The following NMBR variants were observed in gnomAD, a reference collection of about 807,000 sequenced individuals.
NMBR encodes the protein neuromedin-B receptor.
Under a neutral mutation model 20.5 loss-of-function variants are expected in NMBR, and 16 were observed. That is an observed-to-expected ratio of 0.78 (90% CI 0.53 to 1.19). The LOEUF is 1.19. Among genes scored for constraint, NMBR ranks in the 50% most tolerant of loss-of-function variants. NMBR has a pLI of 0.00. For missense variants in NMBR, 582 were observed against 499.1 expected (o/e 1.17, Z -1.58); for synonymous variants, 212 against 196.6 (o/e 1.08, Z -0.65).
intron 2 of NMBR, among the ~76,000 whole-genome samples, chr6:142,081,474 C>T (rs1211385190): frequency 6.6e-6 from 1 of 152,032 alleles, no homozygotes; most frequent in Non-Finnish European, 1.5e-5. Context: ...TATGAGCCAC[C>T]TCCTGCAAGA....
chr6:142,103,893 T>C (rs1777609515), intron 1 of NMBR, among the ~76,000 whole-genome samples: 2 of 152,214 alleles, frequency 1.3e-5, no homozygotes, highest in Non-Finnish European at 2.9e-5. Flanking sequence ...CCAGTCCAAA[T>C]CATATAAGCC....
intron 1 of NMBR, among the ~76,000 whole-genome samples, chr6:142,129,070 AT>A (rs1462802424): frequency 2.0e-5 from 3 of 151,146 alleles, no homozygotes; most frequent in Non-Finnish European, 1.5e-5. Context: ...ATTTTTATTT[AT>A]TTTGATCCTA....
At chr6:142,077,609 C>A (rs1451366718) in intron 3 of NMBR, among the ~76,000 whole-genome samples, 3 of 152,142 alleles carry the variant, frequency 2.0e-5, no homozygotes, top group Non-Finnish European at 4.4e-5. Flanking sequence ...TTGATGGCCA[C>A]CAATTCATAA....
chr6:142,126,233 A>C (rs2114602385), intron 1 of NMBR, among the ~76,000 whole-genome samples: 1 of 148,854 alleles, frequency 6.7e-6, no homozygotes, highest in African/African-American at 2.5e-5. Flanking sequence ...TTCCTCCTTT[A>C]AGGGCTTAAC....
chr6:142,095,237 T>C (rs898440567), intron 1 of NMBR, among the ~76,000 whole-genome samples: 5 of 152,050 alleles, frequency 3.3e-5, no homozygotes, highest in Admixed American at 3.3e-4. Flanking sequence ...TGCCAGTTTT[T>C]AAAGGGAATG....
chr6:142,111,738 A>G (rs763947235), intron 1 of NMBR, among the ~76,000 whole-genome samples: 5 of 152,226 alleles, frequency 3.3e-5, no homozygotes, highest in Non-Finnish European at 5.9e-5. Context: ...TAATCTGTAT[A>G]GAAAGGTGAC....
At chr6:142,090,651 C>T (rs1356262775) in intron 1 of NMBR, among the ~76,000 whole-genome samples, 1 of 150,572 alleles carries the variant, frequency 6.6e-6, no homozygotes, top group African/African-American at 2.4e-5. Flanking sequence ...GAAAAGAGAG[C>T]AAGGAAATTA....
chr6:142,081,492 G>A (rs1777095105), intron 2 of NMBR, among the ~76,000 whole-genome samples: 1 of 152,114 alleles, frequency 6.6e-6, no homozygotes, highest in South Asian at 2.1e-4. Context: ...AGAAAAGATA[G>A]ACCCCAATGA....
intron 1 of NMBR, among the ~76,000 whole-genome samples, chr6:142,116,032 A>G (rs1232441225): frequency 6.6e-6 from 1 of 151,852 alleles, no homozygotes; most frequent in Non-Finnish European, 1.5e-5. Context: ...TGATGGTTTT[A>G]AAAATGGGAG....
intron 2 of NMBR, among the ~76,000 whole-genome samples, chr6:142,079,808 C>G (rs1008873959): frequency 2.6e-5 from 4 of 152,116 alleles, no homozygotes; most frequent in African/African-American, 9.7e-5. Flanking sequence ...CCATAAAATT[C>G]TTTTCTCCTC....
chr6:142,085,479 G>A (rs537251354), intron 2 of NMBR, among the ~76,000 whole-genome samples: 8 of 152,070 alleles, frequency 5.3e-5, no homozygotes, highest in Non-Finnish European at 1.0e-4. Context: ...AGCCGAGATC[G>A]CACCCCTACA....
intron 2 of NMBR, among the ~76,000 whole-genome samples, chr6:142,087,697 C>T (rs1777225225): frequency 6.6e-6 from 1 of 152,176 alleles, no homozygotes; most frequent in Admixed American, 6.5e-5. Context: ...GCCCAAAGAA[C>T]ATTTATTAAT....
chr6:142,144,870 T>C (rs1778406059), intron 1 of NMBR, among the ~76,000 whole-genome samples: 3 of 151,632 alleles, frequency 2.0e-5, no homozygotes, highest in Admixed American at 2.0e-4. Context: ...GGCAACAAAA[T>C]AATAATAATT....
intron 1 of NMBR, among the ~76,000 whole-genome samples, chr6:142,137,337 A>G (rs1352934498): frequency 6.6e-6 from 1 of 152,084 alleles, no homozygotes. Flanking sequence ...ATTTTTGTAC[A>G]TTGATTTTGT....
intron 1 of NMBR, among the ~76,000 whole-genome samples, chr6:142,105,901 T>G (rs1040229245): frequency 6.6e-6 from 1 of 152,204 alleles, no homozygotes; most frequent in Non-Finnish European, 1.5e-5. Context: ...AAGTAGCATG[T>G]CATTATATAG....
chr6:142,079,150 G>GGAAAA (rs1777040436), intron 2 of NMBR, among the ~76,000 whole-genome samples: 1 of 77,024 alleles, frequency 1.3e-5, no homozygotes, highest in Non-Finnish European at 2.4e-5. Flanking sequence ...AGAAAAAGAA[G>GGAAAA]AGAGGAGAGG....
rs1777012176 is a variant in NMBR, at chr6:142,078,768, GC to G, written c.557del (p.Arg186ProfsTer54). 1 of 1,613,748 alleles carries G rather than the reference GC, an allele frequency of 6.2e-7. No individual in the cohort carries two copies. The highest frequency in any genetic ancestry group is 1.3e-5 in the African/African-American group (1 of 74,828). On this transcript the variant is annotated frameshift_variant, in exon 3 of 4. Transcript: ENST00000258042. LOFTEE classifies it high-confidence loss of function. The stretch of plus-strand genomic sequence containing the variant: ...AGCTGCTATTATCCAAGCTACTGAT[GC>G]GAGCCACTTCTGAAAACACCGCTTC... ...VPEAVFSEVA[R>X]ISSLDNSSFT... is the part of the protein sequence containing the mutation.
At chr6:142,122,309 A>G (rs372817574) in intron 1 of NMBR, among the ~76,000 whole-genome samples, 1 of 151,968 alleles carries the variant, frequency 6.6e-6, no homozygotes, top group South Asian at 2.1e-4. Flanking sequence ...GCAAAAGAAA[A>G]GTTTGAGGCT....
intron 1 of NMBR, among the ~76,000 whole-genome samples, chr6:142,122,671 A>G (rs1777964671): frequency 1.3e-5 from 2 of 151,884 alleles, no homozygotes; most frequent in Non-Finnish European, 2.9e-5. Context: ...TGGAGCTAAT[A>G]TTCATTTGGA....
Sources: gnomAD v4.1 joint callset for allele counts (sites outside exome capture counted in the v4.1 genomes callset) on GRCh38, gnomAD v4.1.1 for gene constraint, MANE v1.5 for transcripts, NCBI Gene and HGNC (gene_info 2026-07-23, HGNC 2026-07-21) for gene names.